Variants in DMD observed in about 807,000 individuals in gnomAD.
DMD encodes mutant dystrophin.
Under a neutral mutation model 330.1 loss-of-function variants are expected in DMD, and 63 were observed. That is an observed-to-expected ratio of 0.19 (90% CI 0.16 to 0.24). The LOEUF (loss-of-function observed/expected upper bound fraction) is 0.24. DMD is among the 10% of genes least tolerant of loss of function. The pLI is 1.00. For missense variants in DMD, 3,344 were observed against 2,684.1 expected, an observed-to-expected ratio of 1.25 and a Z score of -5.43; for synonymous variants, 1,223 against 959.8, an observed-to-expected ratio of 1.27 and a Z score of -5.07.
intron 44 of DMD, among the ~76,000 whole-genome samples, chrX:32,184,353 T>C (rs939534213): frequency 1.8e-5 from 2 of 111,103 alleles, no homozygotes; most frequent in African/African-American, 6.5e-5. Context: ...TAACAATTTA[T>C]ACACCTTCAG....
intron 10 of DMD, 91 bp from the exon 11 acceptor site, chrX:32,644,404 G>C: frequency 1.0e-6 from 1 of 963,779 alleles, no homozygotes; most frequent in Non-Finnish European, 1.5e-6. Context: ...TTAAACTTGT[G>C]GCCCATTTAG....
rs756288973 is a variant in DMD at position 33,287,051 on chromosome X, G to C, written c.7+52208C>G. 2.7e-5 allele frequency among the ~76,000 whole-genome samples: 3 copies of C among 111,927 alleles called. No individual in the cohort carries two copies. The East Asian group carries it at 8.4e-4, about 31-fold the overall frequency. ...ACGCTGCCATGGAATGCCATGGACT[G>C]TGACATGAGCAAACAATAAATATCT... is the stretch of plus-strand genomic sequence containing the variant. On this transcript the variant is annotated intron_variant, in intron 1 of 17. Coordinates refer to the DMD transcript ENST00000288447.
At chrX:32,621,606 C>T (rs970959875) in intron 11 of DMD, among the ~76,000 whole-genome samples, 84 of 109,929 alleles carry the variant, frequency 7.6e-4, no homozygotes, top group African/African-American at 1.8e-3. Flanking sequence ...ATTATAGGCG[C>T]GAGTCCCCGA....
chrX:33,155,077 C>A (rs773066832), intron 1 of DMD, among the ~76,000 whole-genome samples: 1 of 111,851 alleles, frequency 8.9e-6, no homozygotes, highest in South Asian at 3.7e-4. Context: ...ACATTCTCCC[C>A]ATGGATTCAC....
intron 48 of DMD, among the ~76,000 whole-genome samples, chrX:31,845,415 CT>C (rs1181631715): frequency 3.6e-4 from 35 of 96,707 alleles, no homozygotes; most frequent in African/African-American, 1.1e-3. Flanking sequence ...CTCTCTCTCT[CT>C]CTCTCTCTCC....
At chrX:31,472,585 T>C (rs761409215) in intron 59 of DMD, among the ~76,000 whole-genome samples, 26 of 112,124 alleles carry the variant, frequency 2.3e-4, no homozygotes, top group Non-Finnish European at 4.3e-4. Context: ...AATTCTAACA[T>C]AGCGTTTCTT....
At chrX:33,105,681 A>G (rs1226488404) in intron 1 of DMD, among the ~76,000 whole-genome samples, 1 of 112,196 alleles carries the variant, frequency 8.9e-6, no homozygotes, top group Non-Finnish European at 1.9e-5. Flanking sequence ...AATACTTAAC[A>G]TCACTAATCA....
At chrX:31,858,119 T>C (rs1327113004) in intron 48 of DMD, among the ~76,000 whole-genome samples, 3 of 111,630 alleles carry the variant, frequency 2.7e-5, no homozygotes, top group East Asian at 2.8e-4. Context: ...GGGGTACTTA[T>C]ATAAAATAGA....
chrX:32,446,064 A>G (rs1296419058), intron 27 of DMD, among the ~76,000 whole-genome samples: 3 of 110,821 alleles, frequency 2.7e-5, no homozygotes, highest in Admixed American at 9.6e-5. Context: ...TAACTGGAAT[A>G]TAAGAAGGGG....
intron 1 of DMD, among the ~76,000 whole-genome samples, chrX:33,171,278 G>A (rs1167318345): frequency 9.0e-6 from 1 of 110,786 alleles, no homozygotes; most frequent in Admixed American, 9.7e-5. Flanking sequence ...GAAAGGGGAA[G>A]TAGTAGGGGA....
chrX:32,401,805 T>G (rs781678261), intron 30 of DMD, among the ~76,000 whole-genome samples: 1 of 112,838 alleles, frequency 8.9e-6, no homozygotes, highest in Non-Finnish European at 1.9e-5. Context: ...TGCATGCCTG[T>G]ATCAAAATAT....
At chrX:32,450,257 C>T (rs971736802) in intron 26 of DMD, among the ~76,000 whole-genome samples, 1 of 110,654 alleles carries the variant, frequency 9.0e-6, no homozygotes, top group Non-Finnish European at 1.9e-5. Context: ...TATAAAATGC[C>T]TTTGTATGTG....
rs185324016 is a variant in DMD at position 31,467,301 on chromosome X, T to C, written c.8937+10805A>G. 6.2e-3 allele frequency among the ~76,000 whole-genome samples: 690 copies of C among 111,616 alleles called. 5 individuals carry two copies. Among genetic ancestry groups the C allele is most frequent in the African/African-American group, 0.022 (668 of 30,683 alleles). The stretch of plus-strand genomic sequence containing the variant: ...ATTCAGTATGATAATGGCTGTGGGT[T>C]TGTCATAAGTAGCTCTTATTATTTT... On this transcript the variant is annotated intron_variant, in intron 59 of 78. Coordinates refer to ENST00000357033, the MANE Select transcript of DMD (RefSeq NM_004006.3).
At chrX:32,831,065 T>C (rs1411567843) in intron 4 of DMD, among the ~76,000 whole-genome samples, 1 of 110,885 alleles carries the variant, frequency 9.0e-6, no homozygotes, top group Non-Finnish European at 1.9e-5. Context: ...TGTATAACAA[T>C]ATATATTTAG....
At chrX:32,925,162 T>TG (rs1379554007) in intron 2 of DMD, among the ~76,000 whole-genome samples, 1 of 98,277 alleles carries the variant, frequency 1.0e-5, no homozygotes, top group African/African-American at 3.8e-5. Context: ...TTTTTTTTTT[T>TG]TTTTTTTTTT....
intron 7 of DMD, among the ~76,000 whole-genome samples, chrX:32,778,084 T>C (rs1218137484): frequency 9.0e-6 from 1 of 111,703 alleles, no homozygotes; most frequent in Admixed American, 9.5e-5. Flanking sequence ...TGTCAGTTGA[T>C]GCTGTTAATT....
intron 45 of DMD, among the ~76,000 whole-genome samples, chrX:31,954,313 T>G: frequency 8.9e-6 from 1 of 111,844 alleles, no homozygotes; most frequent in South Asian, 3.8e-4. Flanking sequence ...CACTTTTTTT[T>G]ATACCCATCC....
chrX:32,272,069 G>T (rs7055420), intron 43 of DMD, among the ~76,000 whole-genome samples: 7,415 of 111,357 alleles, frequency 0.067, 208 homozygotes, highest in African/African-American at 0.11. Context: ...GGTGACAAAA[G>T]GTATATAGTA....
At chrX:32,592,891 C>T (rs771302466) in intron 13 of DMD, among the ~76,000 whole-genome samples, 22 of 112,801 alleles carry the variant, frequency 2.0e-4, no homozygotes, top group Non-Finnish European at 3.9e-4. Flanking sequence ...GCAGAAGCTA[C>T]TTGTGGTACA....
Sources: allele counts gnomAD v4.1 joint callset (sites outside exome capture counted in the v4.1 genomes callset), GRCh38; gene constraint gnomAD v4.1.1; transcripts MANE v1.5; gene names NCBI Gene and HGNC (gene_info 2026-07-23, HGNC 2026-07-21).